Variants in COPS3 observed in about 807,000 individuals in gnomAD.
COPS3 encodes the protein COP9 signalosome subunit 3, also known as COP9 signalosome complex subunit 3.
A neutral mutation model predicts 58.2 loss-of-function variants in COPS3; 10 were observed. The observed-to-expected ratio is 0.17, with a 90% CI of 0.11 to 0.29. The LOEUF (loss-of-function observed/expected upper bound fraction) is 0.29. COPS3 is among the 10% of genes least tolerant of loss of function. The pLI, the probability that COPS3 is intolerant of heterozygous loss-of-function variation, is 1.00. For missense variants in COPS3, 333 were observed against 510.1 expected, an observed-to-expected ratio of 0.65 and a Z score of 3.34; for synonymous variants, 187 against 181.7, an observed-to-expected ratio of 1.03 and a Z score of -0.24.
chr17:17,247,814 A>C, intron 10 of COPS3: 1 of 393,524 alleles, frequency 2.5e-6, no homozygotes, highest in Non-Finnish European at 4.5e-6. Flanking sequence ...TTGCAGTGAA[A>C]CGAGTATATT....
At chr17:17,257,639 TACAA>T (rs1597669737) in intron 8 of COPS3, among the ~76,000 whole-genome samples, 1 of 149,410 alleles carries the variant, frequency 6.7e-6, no homozygotes, top group African/African-American at 2.5e-5. Flanking sequence ...CTACTAAAAA[TACAA>T]ACAATTAGCC....
intron 4 of COPS3, among the ~76,000 whole-genome samples, chr17:17,269,980 ACC>A (rs1159891473): frequency 7.2e-5 from 11 of 152,062 alleles, no homozygotes; most frequent in Middle Eastern, 3.4e-3. Context: ...ACATGGTGAA[ACC>A]CCGTCTCTAC....
At chr17:17,278,846 C>A (rs1415988407) in intron 1 of COPS3, among the ~76,000 whole-genome samples, 2 of 150,950 alleles carry the variant, frequency 1.3e-5, no homozygotes, top group Middle Eastern at 3.4e-3. Context: ...ATCAGTGTAA[C>A]CAGAGATGTG....
chr17:17,247,260 G>T, intron 11 of COPS3, 109 bp from the exon 12 acceptor site: 1 of 1,120,702 alleles, frequency 8.9e-7, no homozygotes, highest in Non-Finnish European at 1.4e-6. Flanking sequence ...AAAGCCCCCT[G>T]TGAACAAGGG....
At chr17:17,272,162 C>T (rs2145248779) in intron 2 of COPS3, among the ~76,000 whole-genome samples, 1 of 152,224 alleles carries the variant, frequency 6.6e-6, no homozygotes, top group Admixed American at 6.5e-5. Flanking sequence ...GTGGCTCACG[C>T]CTATAATCCC....
At chr17:17,269,426 A>AAAAAC (rs202070879) in intron 4 of COPS3, among the ~76,000 whole-genome samples, 2,912 of 152,070 alleles carry the variant, frequency 0.019, 105 homozygotes, top group African/African-American at 0.066. Context: ...CTCTGTCTCA[A>AAAAAC]AAAACAAAAC....
intron 6 of COPS3, 143 bp from the exon 7 acceptor site, chr17:17,262,249 T>A: frequency 1.3e-6 from 1 of 788,962 alleles, no homozygotes; most frequent in South Asian, 2.1e-5. Flanking sequence ...TGAGATAGAA[T>A]TCATTTTATT....
chr17:17,263,287 C>CAA (rs71152856), intron 6 of COPS3, among the ~76,000 whole-genome samples: 1 of 134,632 alleles, frequency 7.4e-6, no homozygotes, highest in Admixed American at 7.5e-5. Context: ...GACTCCATTT[C>CAA]AAAAAAAAAA....
At position 17,249,049 on chromosome 17, in the gene COPS3, G is replaced by C; in HGVS notation, c.1024-10C>G. ...TCTCACCATCTTCTATCTGCAGAAAGAAAAAAAAAAAAATCAGGAAAGCAG... is the reference window on the plus strand; with the variant it reads ...TCTCACCATCTTCTATCTGCAGAAACAAAAAAAAAAAAATCAGGAAAGCAG... On this transcript the variant is annotated splice_polypyrimidine_tract_variant and intron_variant, in intron 9 of 11. Coordinates refer to ENST00000268717, the MANE Select transcript of COPS3 (RefSeq NM_003653.4). 8.3e-7 allele frequency: 1 copy of C among 1,205,316 alleles called. No homozygotes were observed. The highest frequency in any genetic ancestry group is 1.2e-6 in the Non-Finnish European group (1 of 868,940). The allele number at this position is 1,205,316 out of a possible 1,614,324, so 74.7% of individuals were successfully genotyped here.
At chr17:17,278,581 C>G (rs953247127) in intron 1 of COPS3, among the ~76,000 whole-genome samples, 1 of 152,200 alleles carries the variant, frequency 6.6e-6, no homozygotes, top group African/African-American at 2.4e-5. Context: ...TATTACAGAT[C>G]TCACTGGTAG....
At chr17:17,265,619 G>T (rs867866304) in intron 5 of COPS3, among the ~76,000 whole-genome samples, 4 of 152,012 alleles carry the variant, frequency 2.6e-5, no homozygotes, top group Non-Finnish European at 5.9e-5. Context: ...GGCTGGTCTC[G>T]AACTCCTGAC....
intron 6 of COPS3, among the ~76,000 whole-genome samples, chr17:17,263,380 T>C (rs1363698419): frequency 1.3e-5 from 2 of 152,186 alleles, no homozygotes; most frequent in South Asian, 4.1e-4. Context: ...TTTGCATTTT[T>C]AGTAGAGACA....
chr17:17,252,767 G>A (rs2047881591), intron 9 of COPS3, among the ~76,000 whole-genome samples: 1 of 152,152 alleles, frequency 6.6e-6, no homozygotes, highest in Admixed American at 6.6e-5. Flanking sequence ...AATTTCTTGG[G>A]GAAAGCGTCT....
At chr17:17,269,618 A>T (rs1448745377) in intron 4 of COPS3, among the ~76,000 whole-genome samples, 2 of 152,094 alleles carry the variant, frequency 1.3e-5, no homozygotes, top group East Asian at 1.9e-4. Flanking sequence ...AACTAAATAA[A>T]TTTTTTAAAA....
intron 4 of COPS3, among the ~76,000 whole-genome samples, chr17:17,269,863 C>T (rs534127456): frequency 2.6e-5 from 4 of 151,988 alleles, no homozygotes; most frequent in Non-Finnish European, 5.9e-5. Flanking sequence ...ATTATATTAA[C>T]GTTCATTTCT....
intron 8 of COPS3, among the ~76,000 whole-genome samples, chr17:17,258,618 G>A (rs1279932370): frequency 6.6e-6 from 1 of 152,118 alleles, no homozygotes; most frequent in Non-Finnish European, 1.5e-5. Context: ...AATGGCAGCT[G>A]TTTTTTAATG....
In COPS3 at chr17:17,249,025, C is replaced by T. The variant is rs2047781818; in HGVS notation, c.1038G>A (p.Glu346=). The T allele has an allele frequency of 1.3e-6, 2 of 1,589,866 alleles. No individual in the cohort carries two copies. The highest frequency in any genetic ancestry group is 1.8e-5 in the Admixed American group (1 of 55,438). Residue 346 remains glutamate, a synonymous_variant, in exon 10 of 12, where the codon GAG becomes GAA. Coordinates refer to ENST00000268717, the MANE Select transcript of COPS3 (RefSeq NM_003653.4). ...KYVLHMIEDG[E]IFASINQKDG... ...CCTTCTGGTTAATACTTGCAAAAAT[C>T]TCACCATCTTCTATCTGCAGAAAGA...
At chr17:17,264,563 G>T (rs1326359692) in intron 6 of COPS3, among the ~76,000 whole-genome samples, 4 of 152,162 alleles carry the variant, frequency 2.6e-5, no homozygotes, top group Admixed American at 6.6e-5. Context: ...ATCAGATAAG[G>T]TATAAGTGCA....
intron 8 of COPS3, among the ~76,000 whole-genome samples, chr17:17,260,054 T>C (rs921360002): frequency 2.0e-5 from 3 of 152,188 alleles, no homozygotes; most frequent in African/African-American, 4.8e-5. Flanking sequence ...TGTCTCCCAA[T>C]GTAGCCTTGT....
Sources: gnomAD v4.1 joint callset for allele counts (sites outside exome capture counted in the v4.1 genomes callset) on GRCh38, gnomAD v4.1.1 for gene constraint, MANE v1.5 for transcripts, NCBI Gene and HGNC (gene_info 2026-07-23, HGNC 2026-07-21) for gene names.